Variants in PIP5KL1 observed in about 807,000 individuals in gnomAD.
PIP5KL1 encodes phosphatidylinositol 4-phosphate 5-kinase-like protein 1.
In PIP5KL1, 45 loss-of-function variants were observed where a neutral mutation model predicts 47.6. The observed-to-expected ratio is 0.94, with a 90% CI of 0.74 to 1.21. The LOEUF is 1.21. Among genes scored for constraint, PIP5KL1 ranks in the 50% most tolerant of loss-of-function variants. The pLI is 0.00. For synonymous variants in PIP5KL1, 256 were observed against 234.6 expected, an observed-to-expected ratio of 1.09 and a Z score of -0.84; for missense variants, 577 against 547.6, an observed-to-expected ratio of 1.05 and a Z score of -0.54.
In PIP5KL1 at chr9:127,928,153, C is replaced by A; in HGVS notation, c.346G>T (p.Glu116Ter). 6.5e-7 allele frequency: 1 copy of A among 1,542,606 alleles called. No homozygotes were observed. The highest frequency in any genetic ancestry group is 2.4e-5 in the East Asian group (1 of 41,560). ...CCCAGGGCAGCCTGATAGTCCTCCTCCGCCAGGCCCAGGGAGCGGCGCAGC... is the reference window on the plus strand; with the variant it reads ...CCCAGGGCAGCCTGATAGTCCTCCTACGCCAGGCCCAGGGAGCGGCGCAGC... Reference protein sequence around the residue: ...AWLRRSLGLAEEDYQAALGPG... With the variant: ...AWLRRSLGLA Residue 116 changes from glutamate to a stop codon, truncating the protein, a stop_gained, in exon 4 of 10, where the codon GAG becomes TAG. Coordinates refer to ENST00000388747, the MANE Select transcript of PIP5KL1 (RefSeq NM_001135219.2). LOFTEE classifies it high-confidence loss of function.
Position 127,929,671 on chromosome 9 carries a change from A to G in PIP5KL1, c.228+17T>C, listed in dbSNP as rs1386869704. 2 of 1,537,288 alleles carry G rather than the reference A, an allele frequency of 1.3e-6. No homozygotes were observed. Among genetic ancestry groups the G allele is most frequent in the Non-Finnish European group, 1.8e-6 (2 of 1,133,710 alleles). ...CATTGCTGGTGTGGAGATTCGTGGG[A>G]CAGATGGGCCACTCACCGTGGGTGG... On this transcript the variant is annotated intron_variant, in intron 2 of 9. Coordinates refer to ENST00000388747, the MANE Select transcript of PIP5KL1 (RefSeq NM_001135219.2). This position sits in a 1 kb window ranked among gnomAD's most constrained non-coding sequence, Gnocchi z 4.0.
At position 127,929,760 on chromosome 9, in the gene PIP5KL1, C is replaced by A; in HGVS notation, c.156G>T (p.Leu52=). 1.9e-6 allele frequency: 3 copies of A among 1,578,558 alleles called. No individual in the cohort carries two copies. The South Asian group carries it at 3.5e-5, about 18-fold the overall frequency. Residue 52 remains leucine, a synonymous_variant, in exon 2 of 10, where the codon CTG becomes CTT. Transcript: ENST00000388747. The surrounding 1 kb of genome is among the most constrained non-coding windows in gnomAD (Gnocchi z 4.0). ...CCTGCATCATGCACGTCATCCCATGCAGTTCATGCCCCGGGCTGATCTCAA... is the reference window on the plus strand; with the variant it reads ...CCTGCATCATGCACGTCATCCCATGAAGTTCATGCCCCGGGCTGATCTCAA... ...GLFEISPGHE[L]HGMTCMMQAG...
chr9:127,925,288 A>C, intron 8 of PIP5KL1, 28 bp from the exon 9 acceptor site: 1 of 1,606,304 alleles, frequency 6.2e-7, no homozygotes, highest in Non-Finnish European at 8.5e-7. Context: ...CCCCCACCTG[A>C]GCGCTCATCA....
Position 127,921,448 on chromosome 9 carries a change from T to TC in PIP5KL1, c.*398dup. 1 of 173,628 alleles carries TC rather than the reference T, an allele frequency of 5.8e-6. No homozygotes were observed. Among genetic ancestry groups the TC allele is most frequent in the South Asian group, 1.3e-4 (1 of 7,634 alleles). 10.8% of individuals were successfully genotyped at this position (173,628 alleles called of 1,614,324 possible). Reference sequence around the variant, plus strand: ...GACAAGAGGGCTGCAGCCTTCAGCCTCCCCCCTTGCCCAGATCATGAGGAC... The same window carrying TC: ...GACAAGAGGGCTGCAGCCTTCAGCCTCCCCCCCTTGCCCAGATCATGAGGAC... On this transcript the variant is annotated 3_prime_UTR_variant, in exon 10 of 10. Transcript: ENST00000388747.
chr9:127,925,772 G>T, intron 8 of PIP5KL1, 95 bp downstream of exon 8: 1 of 1,105,264 alleles, frequency 9.0e-7, no homozygotes. Context: ...CCGAATCTGG[G>T]CTCTTAATAA....
rs1398005699 is a variant in PIP5KL1, at chr9:127,922,707, A to AAAG, written c.918-594_918-593insCTT. ...GAGACTCTGTCTCAAAAAAAAAAAA[A>AAAG]AAAAGAAAAAAGAAAAAGAAAAAAG... On this transcript the variant is annotated intron_variant, in intron 9 of 9. Coordinates refer to ENST00000388747, the MANE Select transcript of PIP5KL1 (RefSeq NM_001135219.2). Among the ~76,000 whole-genome samples the AAAG allele has an allele frequency of 2.9e-3, 419 of 143,696 alleles. 5 individuals carry two copies. Among genetic ancestry groups the AAAG allele is most frequent in the Middle Eastern group, 0.014 (4 of 286 alleles). The allele number at this position is 143,696 out of a possible 152,430, so 94.3% of individuals were successfully genotyped here. A position where few individuals can be genotyped will look rare whatever the true frequency, so the allele number is the denominator to read the frequency against.
intron 9 of PIP5KL1, among the ~76,000 whole-genome samples, chr9:127,923,040 C>T (rs770993814): frequency 6.6e-6 from 1 of 152,218 alleles, no homozygotes; most frequent in Non-Finnish European, 1.5e-5. Context: ...CCCCAGAAGT[C>T]TCAGGGTTGT....
chr9:127,922,400 GA>G (rs1831295997), intron 9 of PIP5KL1, among the ~76,000 whole-genome samples: 1 of 152,036 alleles, frequency 6.6e-6, no homozygotes, highest in Admixed American at 6.5e-5. Context: ...AAGACAGGAT[GA>G]AAAAAAGGAT....
chr9:127,929,749 G>A lies in PIP5KL1; in HGVS notation c.167C>T (p.Thr56Met), dbSNP rs370886811. Residue 56 changes from threonine (T) to methionine (M), a missense_variant, in exon 2 of 10, where the codon ACG (threonine) becomes ATG (methionine). By Grantham distance (81) the Thr-to-Met change is moderately conservative. Transcript: ENST00000388747. This position sits in a 1 kb window ranked among gnomAD's most constrained non-coding sequence, Gnocchi z 4.0. ...ISPGHELHGM[T>M]CMMQAGLWAA... ...CCACAGCCCTGCCTGCATCATGCAC[G>A]TCATCCCATGCAGTTCATGCCCCGG... is the stretch of plus-strand genomic sequence containing the variant. 229 of 1,585,124 alleles carry A rather than the reference G, an allele frequency of 1.4e-4. No individual in the cohort carries two copies. The highest frequency in any genetic ancestry group is 1.8e-4 in the Non-Finnish European group (215 of 1,165,414).
intron 9 of PIP5KL1, among the ~76,000 whole-genome samples, chr9:127,923,245 G>C (rs1831316083): frequency 6.6e-6 from 1 of 152,184 alleles, no homozygotes; most frequent in African/African-American, 2.4e-5. Context: ...TCTGGGTCTC[G>C]GGGTAAATAG....
chr9:127,926,469 G>T (rs1831364344), intron 7 of PIP5KL1, among the ~76,000 whole-genome samples: 1 of 152,124 alleles, frequency 6.6e-6, no homozygotes, highest in South Asian at 2.1e-4. Flanking sequence ...ATTGCCCAGG[G>T]TGGTCTCCAA....
At position 127,929,909 on chromosome 9, in the gene PIP5KL1, C is replaced by G. The variant is rs545764843; in HGVS notation, c.31-24G>C. The G allele has an allele frequency of 6.8e-7, 1 of 1,471,654 alleles. No homozygotes were observed. The highest frequency in any genetic ancestry group is 1.3e-5 in the South Asian group (1 of 78,702). The allele number at this position is 1,471,654 out of a possible 1,614,324, so 91.2% of individuals were successfully genotyped here. The stretch of plus-strand genomic sequence containing the variant: ...ACCTGGTGGGAGGAGGCACAGGACA[C>G]AGCCTGTGGCAGCGTCACAGAGGAA... On this transcript the variant is annotated intron_variant, in intron 1 of 9. Coordinates refer to ENST00000388747, the MANE Select transcript of PIP5KL1 (RefSeq NM_001135219.2). The surrounding 1 kb of genome is among the most constrained non-coding windows in gnomAD (Gnocchi z 4.0).
chr9:127,927,529 A>T lies in PIP5KL1; in HGVS notation c.559+119T>A. 1 of 518,198 alleles carries T rather than the reference A, an allele frequency of 1.9e-6. No homozygotes were observed. The highest frequency in any genetic ancestry group is 2.2e-6 in the Non-Finnish European group (1 of 446,666). The allele number at this position is 518,198 out of a possible 1,614,324, so 32.1% of individuals were successfully genotyped here. On this transcript the variant is annotated intron_variant, in intron 5 of 9. Coordinates refer to ENST00000388747, the MANE Select transcript of PIP5KL1 (RefSeq NM_001135219.2). This position sits in a 1 kb window ranked among gnomAD's most constrained non-coding sequence, Gnocchi z 5.5. ...GTGCCCCGCCCCCACGTATGGCCCCACCCCCATGCCCTACAACCCCAAATC... is the reference window on the plus strand; with the variant it reads ...GTGCCCCGCCCCCACGTATGGCCCCTCCCCCATGCCCTACAACCCCAAATC...
rs955171503 is a variant in PIP5KL1 at position 127,921,660 on chromosome 9, G to A, written c.*187C>T. ...GGATTAAATGAGCTAAAGTAGGGGA[G>A]TCCTTGGCACGATGCTGGGCACGGC... On this transcript the variant is annotated 3_prime_UTR_variant, in exon 10 of 10. Coordinates refer to ENST00000388747, the MANE Select transcript of PIP5KL1 (RefSeq NM_001135219.2). The A allele has an allele frequency of 6.5e-6, 5 of 771,388 alleles. No individual in the cohort carries two copies. Among genetic ancestry groups the A allele is most frequent in the Non-Finnish European group, 8.1e-6 (4 of 496,322 alleles). 47.8% of individuals were successfully genotyped at this position (771,388 alleles called of 1,614,324 possible).
intron 9 of PIP5KL1, 67 bp from the exon 10 acceptor site, chr9:127,922,181 GC>G: frequency 7.0e-7 from 1 of 1,436,206 alleles, no homozygotes; most frequent in East Asian, 2.5e-5. Context: ...GGCTCTGCAA[GC>G]CTGGCCAGGC....
Position 127,922,706 on chromosome 9 carries a change from A to AAAAG in PIP5KL1, c.918-593_918-592insCTTT, listed in dbSNP as rs200967933. 0.011 allele frequency among the ~76,000 whole-genome samples: 1,583 copies of AAAAG among 146,218 alleles called. 116 individuals carry two copies. The East Asian group carries it at 0.18, about 17-fold the overall frequency. ...CGAGACTCTGTCTCAAAAAAAAAAAAAAAAAGAAAAAAGAAAAAGAAAAAA... is the reference window on the plus strand; with the variant it reads ...CGAGACTCTGTCTCAAAAAAAAAAAAAAAGAAAAAGAAAAAAGAAAAAGAAAAAA... On this transcript the variant is annotated intron_variant, in intron 9 of 9. Transcript: ENST00000388747.
Position 127,929,765 on chromosome 9 carries a change from C to A in PIP5KL1, c.151G>T (p.Glu51Ter). 6.4e-7 allele frequency: 1 copy of A among 1,574,678 alleles called. No individual in the cohort carries two copies. The highest frequency in any genetic ancestry group is 8.6e-7 in the Non-Finnish European group (1 of 1,159,996). The change falls in exon 2 of 10, where the codon GAA becomes TAA. Residue 51 changes from glutamate (E) to a stop codon, truncating the protein, a stop_gained. Coordinates refer to ENST00000388747, the MANE Select transcript of PIP5KL1 (RefSeq NM_001135219.2). LOFTEE classifies it high-confidence loss of function. The surrounding 1 kb of genome is among the most constrained non-coding windows in gnomAD (Gnocchi z 4.0). ...LGLFEISPGH[E>*]LHGMTCMMQA... ...ATCATGCACGTCATCCCATGCAGTT[C>A]ATGCCCCGGGCTGATCTCAAACAGG...
rs1243394204 is a variant in PIP5KL1 at position 127,927,104 on chromosome 9, C to A, written c.650+49G>T. On this transcript the variant is annotated intron_variant, in intron 7 of 9. Transcript: ENST00000388747. This position sits in a 1 kb window ranked among gnomAD's most constrained non-coding sequence, Gnocchi z 5.5. ...GGCTAGTGAGTGTGGGTGCTTCGGG[C>A]CGCGAGTTTCGGCTGGGATGGGGGC... is the stretch of plus-strand genomic sequence containing the variant. The A allele has an allele frequency of 2.6e-6, 4 of 1,548,072 alleles. No individual in the cohort carries two copies. In the South Asian group the frequency reaches 3.6e-5, roughly 14 times the overall value.
At chr9:127,924,966 G>GCACACA in intron 9 of PIP5KL1, 141 bp downstream of exon 9, 4 of 1,069,402 alleles carry the variant, frequency 3.7e-6, no homozygotes, top group Non-Finnish European at 5.4e-6. Flanking sequence ...GCGCGCACAC[G>GCACACA]CACACACACA....
Sources: allele counts gnomAD v4.1 joint callset (sites outside exome capture counted in the v4.1 genomes callset), GRCh38; gene constraint gnomAD v4.1.1; non-coding constraint Gnocchi (gnomAD v3.1); transcripts MANE v1.5; gene names NCBI Gene and HGNC (gene_info 2026-07-23, HGNC 2026-07-21).